The following ABL1 variants were observed in gnomAD, a reference collection of about 807,000 sequenced individuals.
The protein encoded by ABL1 is ABL proto-oncogene 1, non-receptor tyrosine kinase, also known as tyrosine-protein kinase ABL1.
In ABL1, 11 loss-of-function variants were observed where a neutral mutation model predicts 94.7. That is an observed-to-expected ratio of 0.12 (90% CI 0.07 to 0.19). The LOEUF is 0.19. ABL1 is among the 10% of genes least tolerant of loss of function. ABL1 has a pLI of 1.00. For missense variants in ABL1, 1,082 were observed against 1,489.4 expected, an observed-to-expected ratio of 0.73 and a Z score of 4.50; for synonymous variants, 656 against 622.4, an observed-to-expected ratio of 1.05 and a Z score of -0.80.
chr9:130,809,381 T>TGAGAGAGAGAGAGAGAGA, intron 1 of ABL1, among the ~76,000 whole-genome samples: 1 of 132,684 alleles, frequency 7.5e-6, no homozygotes, highest in African/African-American at 2.9e-5. Flanking sequence ...TGAAGGTTCT[T>TGAGAGAGAGAGAGAGAGA]GAGAGAGAGA....
At chr9:130,856,823 T>TA (rs1055773850) in intron 3 of ABL1, among the ~76,000 whole-genome samples, 2 of 152,238 alleles carry the variant, frequency 1.3e-5, no homozygotes, top group Non-Finnish European at 2.9e-5. Context: ...GCCTCATTCT[T>TA]ACCAGTGACT....
chr9:130,855,405 T>TA (rs34258058), intron 3 of ABL1, among the ~76,000 whole-genome samples: 1 of 151,884 alleles, frequency 6.6e-6, no homozygotes, highest in African/African-American at 2.4e-5. Flanking sequence ...ATTCTTCCTT[T>TA]AAAAAAAATA....
intron 1 of ABL1, among the ~76,000 whole-genome samples, chr9:130,757,536 C>CTTTTTTTT (rs11411714): frequency 9.8e-6 from 1 of 101,886 alleles, no homozygotes; most frequent in African/African-American, 3.9e-5. Flanking sequence ...TACTCCAGGC[C>CTTTTTTTT]TTTTTTTTTT....
At chr9:130,766,129 C>T (rs1055042759) in intron 1 of ABL1, among the ~76,000 whole-genome samples, 6 of 152,230 alleles carry the variant, frequency 3.9e-5, no homozygotes, top group Admixed American at 2.6e-4. Flanking sequence ...ACTGTGAGGG[C>T]CCCGGGCCGT....
Position 130,774,544 on chromosome 9 carries a change from C to G in ABL1, c.136+60089C>G, listed in dbSNP as rs139513916. 3.3e-3 allele frequency among the ~76,000 whole-genome samples: 504 copies of G among 152,192 alleles called. 2 individuals are homozygous for G. The highest frequency in any genetic ancestry group is 0.011 in the African/African-American group (473 of 41,520). On this transcript the variant is annotated intron_variant, in intron 1 of 10. Coordinates refer to the ABL1 transcript ENST00000372348. ...GCAGAATATTTAAAAAAGAAACTTG[C>G]CAGGCACGGTGGCTCATGCCTGTGA...
At chr9:130,844,950 A>G (rs1306486704) in intron 1 of ABL1, among the ~76,000 whole-genome samples, 1 of 152,220 alleles carries the variant, frequency 6.6e-6, no homozygotes, top group Non-Finnish European at 1.5e-5. Flanking sequence ...AATTTTTCCC[A>G]TCAGAGGACA....
chr9:130,809,460 T>G (rs1159507433), intron 1 of ABL1, among the ~76,000 whole-genome samples: 2 of 141,826 alleles, frequency 1.4e-5, no homozygotes, highest in African/African-American at 2.7e-5. Flanking sequence ...GTGAAGAAAT[T>G]TATTGTAAGG....
Position 130,854,850 on chromosome 9 carries a change from A to G in ABL1, c.303A>G (p.Glu101=), listed in dbSNP as rs1387560539. The stretch of plus-strand genomic sequence containing the variant: ...ATAATCACAATGGGGAATGGTGTGA[A>G]GCCCAAACCAAAAATGGCCAAGGCT... ...LGYNHNGEWC[E]AQTKNGQGWV... is the part of the protein sequence containing the mutation. Residue 101 remains glutamate, a synonymous_variant, in exon 3 of 11, where the codon GAA becomes GAG. Transcript: ENST00000318560. 6.2e-7 allele frequency: 1 copy of G among 1,614,206 alleles called. No individual in the cohort carries two copies. Among genetic ancestry groups the G allele is most frequent in the South Asian group, 1.1e-5 (1 of 91,076 alleles).
At chr9:130,865,934 ATCCCAAATCCTAAATGC>A (rs774183189) in intron 4 of ABL1, among the ~76,000 whole-genome samples, 4 of 151,910 alleles carry the variant, frequency 2.6e-5, no homozygotes, top group Admixed American at 6.6e-5. Flanking sequence ...GGACCCTAAA[ATCCCAAATCCTAAATGC>A]TCCCAAATCC....
At chr9:130,775,412 A>C (rs574916515) in intron 1 of ABL1, among the ~76,000 whole-genome samples, 1 of 152,350 alleles carries the variant, frequency 6.6e-6, no homozygotes, top group African/African-American at 2.4e-5. Flanking sequence ...GTAAGGACTA[A>C]AATCCTATGA....
At chr9:130,854,345 A>G in intron 2 of ABL1, 108 bp downstream of exon 2, 1 of 1,271,752 alleles carries the variant, frequency 7.9e-7, no homozygotes, top group Non-Finnish European at 1.1e-6. Context: ...TGAAATCTGG[A>G]CTGCAGGGAT....
chr9:130,777,539 C>T (rs111583933), intron 1 of ABL1, among the ~76,000 whole-genome samples: 9,721 of 137,118 alleles, frequency 0.071, 524 homozygotes, highest in South Asian at 0.11. Context: ...TGTGTTGGGA[C>T]GCTGACACAC....
intron 1 of ABL1, among the ~76,000 whole-genome samples, chr9:130,759,979 T>A: frequency 6.9e-6 from 1 of 145,456 alleles, no homozygotes; most frequent in East Asian, 2.0e-4. Context: ...TTTTTTTTTT[T>A]TTTTTTTTTT....
At chr9:130,723,960 C>A (rs1405961995) in intron 1 of ABL1, among the ~76,000 whole-genome samples, 1 of 152,086 alleles carries the variant, frequency 6.6e-6, no homozygotes, top group South Asian at 2.1e-4. Flanking sequence ...TACAGGCGCC[C>A]GCCACCACAC....
intron 1 of ABL1, chr9:130,724,809 C>G: frequency 2.1e-6 from 1 of 486,292 alleles, no homozygotes; most frequent in Non-Finnish European, 4.1e-6. Flanking sequence ...GCTGCAACAG[C>G]TGCCCTTTTG....
intron 1 of ABL1, among the ~76,000 whole-genome samples, chr9:130,740,820 T>TA (rs1831807417): frequency 2.5e-5 from 1 of 39,552 alleles, no homozygotes. Context: ...CACACCCAGA[T>TA]TTTTTTTTTT....
At chr9:130,801,164 A>C (rs946259643) in intron 1 of ABL1, among the ~76,000 whole-genome samples, 6 of 151,690 alleles carry the variant, frequency 4.0e-5, no homozygotes, top group South Asian at 4.2e-4. Flanking sequence ...GCCTGGCCTC[A>C]GTGACCCACC....
intron 1 of ABL1, among the ~76,000 whole-genome samples, chr9:130,794,274 G>GT (rs1407505904): frequency 1.3e-5 from 2 of 152,100 alleles, no homozygotes; most frequent in Admixed American, 6.6e-5. Context: ...TGCAACGTTT[G>GT]TAACTGCCAG....
chr9:130,859,677 C>CTTTTTT (rs869234280), intron 3 of ABL1, among the ~76,000 whole-genome samples: 842 of 78,368 alleles, frequency 0.011, 90 homozygotes, highest in African/African-American at 0.015. Flanking sequence ...TCTTTCTTTC[C>CTTTTTT]TTTTTTTTTT....
Sources: allele counts gnomAD v4.1 joint callset (sites outside exome capture counted in the v4.1 genomes callset), GRCh38; gene constraint gnomAD v4.1.1; transcripts MANE v1.5; gene names NCBI Gene and HGNC (gene_info 2026-07-23, HGNC 2026-07-21).